The following ANKRD11 variants were observed in gnomAD, a reference collection of about 807,000 sequenced individuals.
ANKRD11 encodes the protein ankyrin repeat domain-containing protein 11.
In ANKRD11, 17 loss-of-function variants were observed where a neutral mutation model predicts 195.7. That is an observed-to-expected ratio of 0.09 (90% CI 0.06 to 0.13). The LOEUF (loss-of-function observed/expected upper bound fraction) is 0.13. Among genes scored for constraint, ANKRD11 ranks in the 10% least tolerant of loss-of-function variants. The pLI is 1.00. For synonymous variants in ANKRD11, 1,953 were observed against 1,528.1 expected, an observed-to-expected ratio of 1.28 and a Z score of -6.49; for missense variants, 3,735 against 3,566.1, an observed-to-expected ratio of 1.05 and a Z score of -1.21.
At chr16:89,454,319 C>G (rs981225813) in intron 1 of ANKRD11, among the ~76,000 whole-genome samples, 3 of 152,146 alleles carry the variant, frequency 2.0e-5, no homozygotes, top group Non-Finnish European at 4.4e-5. Context: ...GAGGCCTACG[C>G]TGAGTCCCAC....
At chr16:89,414,401 G>A (rs1008387243) in intron 2 of ANKRD11, among the ~76,000 whole-genome samples, 4 of 152,188 alleles carry the variant, frequency 2.6e-5, no homozygotes, top group South Asian at 2.1e-4. Context: ...TGGGAACCGC[G>A]TGCTGGGGTC....
chr16:89,485,035 C>A (rs1272507271), intron 1 of ANKRD11, among the ~76,000 whole-genome samples: 1 of 151,850 alleles, frequency 6.6e-6, no homozygotes, highest in Admixed American at 6.6e-5. Context: ...AGAGAGAAAG[C>A]GGGTGTGGGG....
At chr16:89,271,616 G>T (rs2033162370) in intron 11 of ANKRD11, 1 of 156,428 alleles carries the variant, frequency 6.4e-6, no homozygotes, top group African/African-American at 2.4e-5. Flanking sequence ...TTTCCACAAA[G>T]GTGCCAAGAA....
At chr16:89,286,612 G>C (rs946456266) in intron 7 of ANKRD11, 5 of 1,162,388 alleles carry the variant, frequency 4.3e-6, no homozygotes, top group African/African-American at 1.6e-5. Context: ...AGGGAGAAGA[G>C]TGTTATGGAA....
intron 3 of ANKRD11, 43 bp downstream of exon 3, chr16:89,316,890 C>A (rs758753821): frequency 3.8e-6 from 6 of 1,598,266 alleles, no homozygotes; most frequent in Middle Eastern, 1.7e-4. Flanking sequence ...TCATCCCCAT[C>A]TGGGTGCGGT....
At chr16:89,342,807 A>G (rs2038753420) in intron 2 of ANKRD11, among the ~76,000 whole-genome samples, 1 of 152,220 alleles carries the variant, frequency 6.6e-6, no homozygotes, top group Non-Finnish European at 1.5e-5. Context: ...AAACATTATT[A>G]CAGAATAACC....
chr16:89,278,243 G>A (rs1003175638), intron 9 of ANKRD11: 6 of 346,308 alleles, frequency 1.7e-5, no homozygotes, highest in South Asian at 6.4e-5. Flanking sequence ...CCGTCACCGA[G>A]GACAGACGGG....
chr16:89,456,001 G>A (rs1284597239), intron 1 of ANKRD11, among the ~76,000 whole-genome samples: 1 of 152,164 alleles, frequency 6.6e-6, no homozygotes, highest in Non-Finnish European at 1.5e-5. Context: ...ACTTTTGAGA[G>A]GCTGAAGCTG....
At chr16:89,305,161 G>T (rs762030573) in intron 4 of ANKRD11, 45 bp downstream of exon 4, 1 of 1,602,302 alleles carries the variant, frequency 6.2e-7, no homozygotes, top group Non-Finnish European at 8.5e-7. Context: ...GCTGCTCCGG[G>T]CTGCCTGTGG....
At chr16:89,387,469 G>A (rs111412817) in intron 2 of ANKRD11, among the ~76,000 whole-genome samples, 7,588 of 151,126 alleles carry the variant, frequency 0.05, 610 homozygotes, top group African/African-American at 0.18. Flanking sequence ...TCAGGAGACC[G>A]AGACCATCCC....
chr16:89,417,297 T>C (rs1001511646), intron 2 of ANKRD11, among the ~76,000 whole-genome samples: 21 of 152,164 alleles, frequency 1.4e-4, no homozygotes, highest in Admixed American at 3.9e-4. Context: ...AAACAGATTA[T>C]GTATTTTTGG....
In ANKRD11 at chr16:89,267,859, A is replaced by C. The variant is rs2032761147; in HGVS notation, c.*619T>G. On this transcript the variant is annotated 3_prime_UTR_variant, in exon 13 of 13. Coordinates refer to ENST00000301030, the MANE Select transcript of ANKRD11 (RefSeq NM_013275.6). ...CTCAGAAAGAGAAACAAAATGCCCA[A>C]GATTAAAGGAAAGAAGATACAAACC... 6.5e-6 allele frequency: 1 copy of C among 153,272 alleles called. No homozygotes were observed. The highest frequency in any genetic ancestry group is 2.4e-5 in the African/African-American group (1 of 41,360). The allele number at this position is 153,272 out of a possible 1,614,324, so 9.5% of individuals were successfully genotyped here.
rs1454199982 is a variant in ANKRD11 at position 89,406,233 on chromosome 16, G to C, written c.-60+12051C>G. On this transcript the variant is annotated intron_variant, in intron 2 of 12. Coordinates refer to ENST00000301030, the MANE Select transcript of ANKRD11 (RefSeq NM_013275.6). ...AAGGGGTTTGGTGCTGTGAGCAAGGGGCTCTCTGAGAGTCGGCACCCACAC... is the reference window on the plus strand; with the variant it reads ...AAGGGGTTTGGTGCTGTGAGCAAGGCGCTCTCTGAGAGTCGGCACCCACAC... Among the ~76,000 whole-genome samples the C allele has an allele frequency of 5.9e-5, 9 of 152,276 alleles. No homozygotes were observed. The South Asian group carries it at 1.9e-3, about 32-fold the overall frequency.
At chr16:89,447,489 C>A (rs1318066145) in intron 1 of ANKRD11, among the ~76,000 whole-genome samples, 2 of 152,158 alleles carry the variant, frequency 1.3e-5, no homozygotes, top group Non-Finnish European at 2.9e-5. Flanking sequence ...CACATCCCGG[C>A]TGTCGTCCAC....
At chr16:89,428,462 C>T (rs1349060790) in intron 1 of ANKRD11, among the ~76,000 whole-genome samples, 1 of 151,808 alleles carries the variant, frequency 6.6e-6, no homozygotes, top group Non-Finnish European at 1.5e-5. Flanking sequence ...GGAGGCGGAG[C>T]TTGCAGTGAG....
At chr16:89,406,342 G>A (rs554277170) in intron 2 of ANKRD11, among the ~76,000 whole-genome samples, 4 of 152,168 alleles carry the variant, frequency 2.6e-5, no homozygotes, top group East Asian at 1.9e-4. Context: ...CGGCGGGCAC[G>A]GGAAACCCAC....
intron 2 of ANKRD11, among the ~76,000 whole-genome samples, chr16:89,358,474 A>G (rs2039587197): frequency 6.6e-6 from 1 of 152,266 alleles, no homozygotes; most frequent in Admixed American, 6.5e-5. Context: ...TGTTTACAAC[A>G]CAAAGGATAA....
At chr16:89,450,403 A>G (rs1036433666) in intron 1 of ANKRD11, among the ~76,000 whole-genome samples, 1 of 152,236 alleles carries the variant, frequency 6.6e-6, no homozygotes, top group African/African-American at 2.4e-5. Context: ...TTACAGTGAC[A>G]GCAACACCCT....
intron 2 of ANKRD11, among the ~76,000 whole-genome samples, chr16:89,407,455 G>A (rs1023924314): frequency 4.6e-5 from 7 of 152,082 alleles, no homozygotes; most frequent in Non-Finnish European, 8.8e-5. Context: ...CAGGGCCCCT[G>A]CCCCAAGCCA....
Sources: allele counts gnomAD v4.1 joint callset (sites outside exome capture counted in the v4.1 genomes callset), GRCh38; gene constraint gnomAD v4.1.1; transcripts MANE v1.5; gene names NCBI Gene and HGNC (gene_info 2026-07-23, HGNC 2026-07-21).